The following LRP1B variants were observed in gnomAD, a reference collection of about 807,000 sequenced individuals.
LRP1B encodes low-density lipoprotein receptor-related protein 1B.
LRP1B carries 217 observed loss-of-function variants against 556.6 expected under a neutral mutation model. The observed-to-expected ratio is 0.39, with a 90% CI of 0.35 to 0.44. The LOEUF (loss-of-function observed/expected upper bound fraction) is 0.44. LRP1B is among the 20% of genes least tolerant of loss of function. The pLI is 1.00. For synonymous variants in LRP1B, 2,047 were observed against 1,865.8 expected, an observed-to-expected ratio of 1.10 and a Z score of -2.50; for missense variants, 5,053 against 5,620.8, an observed-to-expected ratio of 0.90 and a Z score of 3.23.
intron 1 of LRP1B, among the ~76,000 whole-genome samples, chr2:141,868,077 T>C (rs1356848918): frequency 1.3e-5 from 2 of 152,198 alleles, no homozygotes; most frequent in Non-Finnish European, 2.9e-5. Context: ...ACATCTATTC[T>C]GACTGCCAAA....
chr2:140,350,675 A>T, intron 77 of LRP1B, 122 bp downstream of exon 77: 1 of 806,422 alleles, frequency 1.2e-6, no homozygotes, highest in Non-Finnish European at 1.8e-6. Context: ...TTTAAGGAGA[A>T]TATTGGGAGA....
chr2:140,815,048 C>T (rs1276207934), intron 31 of LRP1B, among the ~76,000 whole-genome samples: 1 of 151,754 alleles, frequency 6.6e-6, no homozygotes, highest in Non-Finnish European at 1.5e-5. Context: ...CGGAAAAGTA[C>T]ATGTGGGCAT....
chr2:140,647,800 A>G (rs906930699), intron 41 of LRP1B, among the ~76,000 whole-genome samples: 1 of 152,216 alleles, frequency 6.6e-6, no homozygotes, highest in Non-Finnish European at 1.5e-5. Context: ...CAGGTGCTGG[A>G]GAGGATGTAT....
chr2:141,571,034 C>T (rs1686508404), intron 2 of LRP1B, among the ~76,000 whole-genome samples: 1 of 151,240 alleles, frequency 6.6e-6, no homozygotes, highest in Admixed American at 6.6e-5. Flanking sequence ...AGCTTGGAGA[C>T]ACACCCCGTC....
Position 140,790,428 on chromosome 2 carries a change from T to C in LRP1B, c.5360-14190A>G, listed in dbSNP as rs543628879. On this transcript the variant is annotated intron_variant, in intron 32 of 90. Coordinates refer to ENST00000389484, the MANE Select transcript of LRP1B (RefSeq NM_018557.3). Reference sequence around the variant, plus strand: ...CGCCAGAGCCTGGGCAGCTGTTTCATGGATTTTTCTCTTTAGTTTCATTTT... The same window carrying C: ...CGCCAGAGCCTGGGCAGCTGTTTCACGGATTTTTCTCTTTAGTTTCATTTT... Among the ~76,000 whole-genome samples, 9 of 152,310 alleles carry C rather than the reference T, an allele frequency of 5.9e-5. No individual in the cohort carries two copies. In the South Asian group the frequency reaches 1.7e-3, roughly 28 times the overall value.
At chr2:141,635,047 A>AACACACACAC (rs3221098) in intron 2 of LRP1B, among the ~76,000 whole-genome samples, 19,309 of 149,900 alleles carry the variant, frequency 0.13, 1,820 homozygotes, top group African/African-American at 0.25. Flanking sequence ...ACTATAGTGA[A>AACACACACAC]ACACACACAC....
At chr2:141,355,942 T>C (rs1420075726) in intron 3 of LRP1B, among the ~76,000 whole-genome samples, 1 of 152,172 alleles carries the variant, frequency 6.6e-6, no homozygotes, top group Non-Finnish European at 1.5e-5. Flanking sequence ...ACACTTTTTC[T>C]CTGTCCAGGA....
chr2:141,426,924 G>T (rs1270006404), intron 3 of LRP1B, among the ~76,000 whole-genome samples: 1 of 152,096 alleles, frequency 6.6e-6, no homozygotes, highest in African/African-American at 2.4e-5. Flanking sequence ...TGTGCAGAAT[G>T]TGCAGGTTTG....
In LRP1B at chr2:140,315,029, A is replaced by G. The variant is rs1684461273; in HGVS notation, c.12711T>C (p.Cys4237=). 6.2e-7 allele frequency: 1 copy of G among 1,611,842 alleles called. No homozygotes were observed. The highest frequency in any genetic ancestry group is 1.1e-5 in the South Asian group (1 of 90,812). The change falls in exon 83 of 91, where the codon TGT becomes TGC. Residue 4237 remains cysteine, a synonymous_variant. Transcript: ENST00000389484. ...CTCCTGAATAACTGGGCCAACAGTG[A>G]CACCTCAAATCACCTTTCTCATTTA... is the stretch of plus-strand genomic sequence containing the variant. ...CILNEKGDLR[C]HCWPSYSGER... is the part of the protein sequence containing the mutation.
At chr2:141,202,903 G>GGT (rs1682101841) in intron 6 of LRP1B, among the ~76,000 whole-genome samples, 1 of 151,624 alleles carries the variant, frequency 6.6e-6, no homozygotes, top group Non-Finnish European at 1.5e-5. Flanking sequence ...GACAGGCCCT[G>GGT]GTGTGTGATG....
At chr2:140,978,055 A>G (rs1380108307) in intron 18 of LRP1B, among the ~76,000 whole-genome samples, 1 of 152,192 alleles carries the variant, frequency 6.6e-6, no homozygotes, top group African/African-American at 2.4e-5. Flanking sequence ...TCACCAATTT[A>G]CAAATTCTTC....
intron 3 of LRP1B, among the ~76,000 whole-genome samples, chr2:141,372,887 T>C (rs904543636): frequency 1.3e-5 from 2 of 152,084 alleles, no homozygotes; most frequent in Admixed American, 6.5e-5. Context: ...ACGTTTGTCA[T>C]TTATTTTCCT....
At chr2:140,461,560 C>T (rs188652537) in intron 60 of LRP1B, among the ~76,000 whole-genome samples, 228 of 152,218 alleles carry the variant, frequency 1.5e-3, no homozygotes, top group African/African-American at 4.8e-3. Context: ...ATAGGCCAGG[C>T]GTGGTGGCTG....
chr2:140,247,868 A>G (rs941843514), intron 86 of LRP1B, among the ~76,000 whole-genome samples: 2 of 151,694 alleles, frequency 1.3e-5, no homozygotes, highest in African/African-American at 4.8e-5. Flanking sequence ...ATAAAAATAA[A>G]TGCTGGAACA....
intron 7 of LRP1B, among the ~76,000 whole-genome samples, chr2:141,074,160 C>T (rs532929139): frequency 9.9e-5 from 15 of 152,034 alleles, no homozygotes; most frequent in African/African-American, 2.9e-4. Flanking sequence ...TGATGCTCTT[C>T]TCTATTTCTA....
At chr2:140,576,569 C>A (rs1363288373) in intron 43 of LRP1B, among the ~76,000 whole-genome samples, 2 of 152,150 alleles carry the variant, frequency 1.3e-5, no homozygotes, top group Non-Finnish European at 2.9e-5. Flanking sequence ...CTTTTATTCA[C>A]CATATATAAT....
chr2:140,682,765 A>G (rs1423730760), intron 41 of LRP1B, among the ~76,000 whole-genome samples: 1 of 151,986 alleles, frequency 6.6e-6, no homozygotes, highest in African/African-American at 2.4e-5. Flanking sequence ...GAACCAAGTG[A>G]AATATAAGCA....
At chr2:140,762,939 G>A (rs288104) in intron 35 of LRP1B, among the ~76,000 whole-genome samples, 1 of 151,874 alleles carries the variant, frequency 6.6e-6, no homozygotes, top group South Asian at 2.1e-4. Context: ...GATACTAAAG[G>A]TACCAACGTA....
chr2:140,446,904 A>C (rs1235792125), intron 63 of LRP1B, among the ~76,000 whole-genome samples: 1 of 152,150 alleles, frequency 6.6e-6, no homozygotes, highest in African/African-American at 2.4e-5. Flanking sequence ...AATGGAAGAA[A>C]ATATTTGCAA....
Sources: allele counts gnomAD v4.1 joint callset (sites outside exome capture counted in the v4.1 genomes callset), GRCh38; gene constraint gnomAD v4.1.1; transcripts MANE v1.5; gene names NCBI Gene and HGNC (gene_info 2026-07-23, HGNC 2026-07-21).